FHIT: variants seen among roughly 807,000 people sequenced by gnomAD.
FHIT encodes bis(5'-adenosyl)-triphosphatase.
Under a neutral mutation model 17.9 loss-of-function variants are expected in FHIT, and 19 were observed. That is an observed-to-expected ratio of 1.06 (90% CI 0.74 to 1.56). FHIT has a LOEUF of 1.56. FHIT is among the 40% of genes most tolerant of loss of function. FHIT has a pLI of 0.00. For synonymous variants in FHIT, 81 were observed against 69.7 expected, an observed-to-expected ratio of 1.16 and a Z score of -0.81; for missense variants, 248 against 189.2, an observed-to-expected ratio of 1.31 and a Z score of -1.82.
chr3:60,542,398 C>A (rs549515019), intron 4 of FHIT, among the ~76,000 whole-genome samples: 2 of 152,202 alleles, frequency 1.3e-5, no homozygotes, highest in Non-Finnish European at 2.9e-5. Context: ...CCAGCTTGCA[C>A]GCCCAGCAGC....
At chr3:60,004,979 T>C (rs1335887878) in intron 7 of FHIT, among the ~76,000 whole-genome samples, 2 of 152,158 alleles carry the variant, frequency 1.3e-5, no homozygotes, top group East Asian at 3.9e-4. Context: ...TTTTCTAAGT[T>C]TATGAATGAA....
In FHIT at chr3:60,735,697, A is replaced by G. The variant is rs1459766994; in HGVS notation, c.-18+86222T>C. Reference sequence around the variant, plus strand: ...TGCCATCTTTGAGAAGCTGCATCCAATCATTCTGGAGGCAAAAAGCTCTTA... The same window carrying G: ...TGCCATCTTTGAGAAGCTGCATCCAGTCATTCTGGAGGCAAAAAGCTCTTA... On this transcript the variant is annotated intron_variant, in intron 4 of 9. Coordinates refer to ENST00000492590, the MANE Select transcript of FHIT (RefSeq NM_002012.4). 1.2e-4 allele frequency among the ~76,000 whole-genome samples: 18 copies of G among 152,250 alleles called. 1 individual carries two copies. The highest frequency in any genetic ancestry group is 1.2e-3 in the Admixed American group (18 of 15,290).
intron 5 of FHIT, among the ~76,000 whole-genome samples, chr3:60,255,039 A>G (rs764785707): frequency 3.5e-4 from 54 of 152,160 alleles, no homozygotes; most frequent in Non-Finnish European, 6.3e-4. Flanking sequence ...TAAGGCATGT[A>G]TTTTGCATTA....
At chr3:60,749,505 T>C (rs372858938) in intron 4 of FHIT, among the ~76,000 whole-genome samples, 2 of 152,228 alleles carry the variant, frequency 1.3e-5, no homozygotes, top group East Asian at 1.9e-4. Context: ...CAACAGCCCC[T>C]AACAGCTGAG....
intron 5 of FHIT, among the ~76,000 whole-genome samples, chr3:60,114,461 C>T (rs954307883): frequency 1.9e-4 from 25 of 132,710 alleles, no homozygotes; most frequent in African/African-American, 6.9e-4. Context: ...AGAAATGGCC[C>T]TTAAAATAAG....
At chr3:59,968,167 T>C (rs1708015082) in intron 7 of FHIT, among the ~76,000 whole-genome samples, 1 of 152,108 alleles carries the variant, frequency 6.6e-6, no homozygotes, top group Admixed American at 6.6e-5. Context: ...ATCAGGACTT[T>C]AGAAGGCAAA....
In FHIT at chr3:60,770,082, G is replaced by A. The variant is rs781935806; in HGVS notation, c.-18+51837C>T. Among the ~76,000 whole-genome samples the A allele has an allele frequency of 2.6e-5, 4 of 152,262 alleles. No homozygotes were observed. In the Middle Eastern group the frequency reaches 0.01, roughly 388 times the overall value. ...AGGCCATGAAGAGAATACCTACCAT[G>A]CAGGTAAATCCTCTGGAGTATTCCT... On this transcript the variant is annotated intron_variant, in intron 4 of 9. Coordinates refer to ENST00000492590, the MANE Select transcript of FHIT (RefSeq NM_002012.4).
chr3:60,945,787 G>T (rs1433840219), intron 3 of FHIT, among the ~76,000 whole-genome samples: 2 of 152,190 alleles, frequency 1.3e-5, no homozygotes, highest in Non-Finnish European at 2.9e-5. Context: ...TTTCTCCAGT[G>T]AAATAAGAAG....
At chr3:60,858,421 T>C (rs976400591) in intron 3 of FHIT, among the ~76,000 whole-genome samples, 1 of 152,176 alleles carries the variant, frequency 6.6e-6, no homozygotes, top group Non-Finnish European at 1.5e-5. Context: ...ATCACATGTA[T>C]GGTCAGCTTT....
At chr3:60,410,004 C>T (rs891586939) in intron 5 of FHIT, among the ~76,000 whole-genome samples, 3 of 152,124 alleles carry the variant, frequency 2.0e-5, no homozygotes, top group African/African-American at 7.2e-5. Context: ...AACACCCTAA[C>T]AGATTTATTT....
At chr3:60,292,042 A>T (rs2049847) in intron 5 of FHIT, among the ~76,000 whole-genome samples, 1 of 151,742 alleles carries the variant, frequency 6.6e-6, no homozygotes, top group Non-Finnish European at 1.5e-5. Context: ...CAGCCCTTAG[A>T]AATGACTACC....
intron 1 of FHIT, among the ~76,000 whole-genome samples, chr3:61,244,450 G>A (rs2040440432): frequency 6.6e-6 from 1 of 152,104 alleles, no homozygotes; most frequent in East Asian, 1.9e-4. Context: ...CAATTGCATG[G>A]GATGAAATAT....
At chr3:60,199,893 T>C (rs371300528) in intron 5 of FHIT, among the ~76,000 whole-genome samples, 5 of 152,124 alleles carry the variant, frequency 3.3e-5, no homozygotes, top group African/African-American at 1.2e-4. Flanking sequence ...GGACTAAAAA[T>C]GTGAAATATA....
intron 3 of FHIT, among the ~76,000 whole-genome samples, chr3:60,981,751 G>A (rs1710506139): frequency 6.8e-6 from 1 of 147,240 alleles, no homozygotes; most frequent in Non-Finnish European, 1.5e-5. Context: ...TGGGACTACA[G>A]GTGTACACCA....
intron 8 of FHIT, among the ~76,000 whole-genome samples, chr3:59,862,425 A>C (rs989280013): frequency 6.6e-6 from 1 of 152,240 alleles, no homozygotes; most frequent in Admixed American, 6.5e-5. Flanking sequence ...CAGCCAAACC[A>C]TATCAACAAT....
At chr3:60,173,916 T>TATATATATATATATATA (rs1343702595) in intron 5 of FHIT, among the ~76,000 whole-genome samples, 5 of 68,048 alleles carry the variant, frequency 7.3e-5, no homozygotes, top group Admixed American at 3.9e-4. Context: ...TATATATATA[T>TATATATATATATATATA]GTTTTTTTTT....
chr3:60,128,794 A>C (rs1294532772), intron 5 of FHIT, among the ~76,000 whole-genome samples: 1 of 152,172 alleles, frequency 6.6e-6, no homozygotes, highest in Non-Finnish European at 1.5e-5. Context: ...TGAACACTGC[A>C]CAGGTGAACA....
intron 3 of FHIT, among the ~76,000 whole-genome samples, chr3:60,892,605 G>A (rs868956466): frequency 6.6e-6 from 1 of 152,236 alleles, no homozygotes; most frequent in African/African-American, 2.4e-5. Context: ...TGGGAAAAAG[G>A]CAAATTATGC....
intron 4 of FHIT, among the ~76,000 whole-genome samples, chr3:60,656,581 G>A (rs376697290): frequency 3.2e-4 from 48 of 152,116 alleles, no homozygotes; most frequent in African/African-American, 1.1e-3. Flanking sequence ...CGCTCAATAC[G>A]TGAAATGATA....
Sources: allele counts gnomAD v4.1 joint callset (sites outside exome capture counted in the v4.1 genomes callset), GRCh38; gene constraint gnomAD v4.1.1; transcripts MANE v1.5; gene names NCBI Gene and HGNC (gene_info 2026-07-23, HGNC 2026-07-21).